Variants in USH2A observed in about 807,000 individuals in gnomAD.
The protein encoded by USH2A is usherin.
Under a neutral mutation model 538.9 loss-of-function variants are expected in USH2A, and 443 were observed. The ratio of observed to expected loss-of-function variants is 0.82; its 90% CI spans 0.76 to 0.89. USH2A has a LOEUF of 0.89. USH2A is among the 40% of genes least tolerant of loss of function. USH2A has a pLI of 0.00. For synonymous variants in USH2A, 2,413 were observed against 2,273.5 expected, an observed-to-expected ratio of 1.06 and a Z score of -1.75; for missense variants, 6,633 against 6,324.8, an observed-to-expected ratio of 1.05 and a Z score of -1.65.
intron 61 of USH2A, among the ~76,000 whole-genome samples, chr1:215,714,932 G>C (rs1158288360): frequency 6.6e-6 from 1 of 152,174 alleles, no homozygotes; most frequent in Non-Finnish European, 1.5e-5. Context: ...ATTATCTTAA[G>C]TAAGCTTCCT....
At chr1:216,070,049 G>A in intron 30 of USH2A, 52 bp downstream of exon 30, 2 of 1,586,674 alleles carry the variant, frequency 1.3e-6, no homozygotes, top group Middle Eastern at 1.7e-4. Context: ...TATTTAAAAT[G>A]CAAACAAAAA....
intron 43 of USH2A, among the ~76,000 whole-genome samples, chr1:215,873,650 T>C (rs1302839961): frequency 6.6e-6 from 1 of 152,168 alleles, no homozygotes; most frequent in Non-Finnish European, 1.5e-5. Flanking sequence ...GAATTTATGA[T>C]ATATTTAGCT....
At chr1:216,395,732 T>C (rs1265207779) in intron 3 of USH2A, among the ~76,000 whole-genome samples, 1 of 152,110 alleles carries the variant, frequency 6.6e-6, no homozygotes, top group East Asian at 1.9e-4. Flanking sequence ...AGGACGGAAG[T>C]AGGCAGAGAG....
At chr1:216,060,014 C>G (rs1224477252) in intron 30 of USH2A, among the ~76,000 whole-genome samples, 1 of 152,128 alleles carries the variant, frequency 6.6e-6, no homozygotes, top group Non-Finnish European at 1.5e-5. Flanking sequence ...GACACTGCCT[C>G]TCTTTCTTCA....
chr1:215,741,617 T>C (rs1047667494), intron 59 of USH2A, 80 bp from the exon 60 acceptor site: 3 of 1,501,052 alleles, frequency 2.0e-6, no homozygotes, highest in Admixed American at 3.9e-5. Context: ...AGGGTAATGA[T>C]ATCATGAAAA....
Position 216,422,051 on chromosome 1 carries a change from T to C in USH2A, c.286A>G (p.Thr96Ala), listed in dbSNP as rs557642490. 160 of 1,613,652 alleles carry C rather than the reference T, an allele frequency of 9.9e-5. No homozygotes were observed. The highest frequency in any genetic ancestry group is 1.3e-4 in the Non-Finnish European group (152 of 1,179,894). ...CCTGCTGAGAAAAGGGCAGTGTAGGTAGGGTGTGAAGATCTGTATGGGCAA... is the reference window on the plus strand; with the variant it reads ...CCTGCTGAGAAAAGGGCAGTGTAGGCAGGGTGTGAAGATCTGTATGGGCAA... ...QDCPYRSSHP[T>A]YTALFSAGLS... Residue 96 changes from threonine to alanine, a missense_variant, in exon 2 of 72, where the codon ACC becomes GCC. Coordinates refer to ENST00000307340, the MANE Select transcript of USH2A (RefSeq NM_206933.4).
chr1:216,226,579 T>C (rs2035566381), intron 14 of USH2A, among the ~76,000 whole-genome samples: 1 of 152,198 alleles, frequency 6.6e-6, no homozygotes, highest in African/African-American at 2.4e-5. Flanking sequence ...TAAAACTGAC[T>C]TATCACTGAC....
intron 32 of USH2A, among the ~76,000 whole-genome samples, chr1:216,038,500 C>T (rs187049808): frequency 1.3e-5 from 2 of 152,012 alleles, no homozygotes; most frequent in Admixed American, 1.3e-4. Flanking sequence ...CCCCCCTCCA[C>T]TTTCTTATTC....
chr1:215,739,463 C>T (rs548608836), intron 60 of USH2A, among the ~76,000 whole-genome samples: 5 of 152,274 alleles, frequency 3.3e-5, no homozygotes, highest in Non-Finnish European at 4.4e-5. Flanking sequence ...AGTGAAGCCA[C>T]GTCCTGGTCT....
intron 21 of USH2A, among the ~76,000 whole-genome samples, chr1:216,161,829 A>G (rs1395759359): frequency 6.6e-6 from 1 of 152,096 alleles, no homozygotes; most frequent in Non-Finnish European, 1.5e-5. Flanking sequence ...TGTTAAAAAA[A>G]TAATTTTAGC....
Position 215,948,798 on chromosome 1 carries a change from A to G in USH2A, c.7121-14003T>C, listed in dbSNP as rs184977149. 2.4e-4 allele frequency among the ~76,000 whole-genome samples: 37 copies of G among 152,198 alleles called. 1 individual carries two copies. Among genetic ancestry groups the G allele is most frequent in the African/African-American group, 8.9e-4 (37 of 41,528 alleles). ...CTCAATGGATAGGAATATTTGAAAC[A>G]TCTTATATTTACTTCATAAGCTTAT... On this transcript the variant is annotated intron_variant, in intron 37 of 71. Coordinates refer to ENST00000307340, the MANE Select transcript of USH2A (RefSeq NM_206933.4).
intron 21 of USH2A, among the ~76,000 whole-genome samples, chr1:216,151,690 G>A (rs989707399): frequency 7.9e-5 from 12 of 152,116 alleles, no homozygotes; most frequent in African/African-American, 2.9e-4. Flanking sequence ...ACTCAATGCT[G>A]AAAAAGGAGG....
chr1:215,980,154 T>C (rs1667716639), intron 35 of USH2A, among the ~76,000 whole-genome samples: 2 of 152,148 alleles, frequency 1.3e-5, no homozygotes, highest in Admixed American at 6.6e-5. Context: ...CACTTTAAAG[T>C]CCAAAGAAGT....
At chr1:215,672,830 A>G (rs1391151786) in intron 63 of USH2A, among the ~76,000 whole-genome samples, 1 of 152,234 alleles carries the variant, frequency 6.6e-6, no homozygotes, top group African/African-American at 2.4e-5. Flanking sequence ...TAATGAAGAG[A>G]TTTCTCTCAC....
chr1:216,283,468 A>G (rs780000587), intron 11 of USH2A, among the ~76,000 whole-genome samples: 24 of 152,188 alleles, frequency 1.6e-4, no homozygotes, highest in Non-Finnish European at 1.9e-4. Flanking sequence ...TGCAAATACA[A>G]ATAACTTCTC....
intron 22 of USH2A, among the ~76,000 whole-genome samples, chr1:216,090,819 GCTTA>G (rs1185711221): frequency 6.6e-6 from 1 of 152,068 alleles, no homozygotes; most frequent in Admixed American, 6.6e-5. Context: ...TAAGAAACTG[GCTTA>G]CTTCTTAGCA....
chr1:215,968,488 T>G (rs1031810479), intron 36 of USH2A, among the ~76,000 whole-genome samples: 1 of 152,134 alleles, frequency 6.6e-6, no homozygotes, highest in Admixed American at 6.6e-5. Context: ...GGTAAGAATA[T>G]GGAACTTCTG....
At chr1:216,010,652 G>A (rs556038234) in intron 32 of USH2A, among the ~76,000 whole-genome samples, 78 of 151,652 alleles carry the variant, frequency 5.1e-4, no homozygotes, top group Middle Eastern at 6.8e-3. Flanking sequence ...AGGTATTGAC[G>A]GCCAGGCTTC....
chr1:215,868,631 A>G lies in USH2A; in HGVS notation c.8682-1461T>C, dbSNP rs1664544542. ...TGTGAACACGACCTTATTGGAAGATAGGGTTTTTGCAGATGTAATCAAGTT... is the reference window on the plus strand; with the variant it reads ...TGTGAACACGACCTTATTGGAAGATGGGGTTTTTGCAGATGTAATCAAGTT... On this transcript the variant is annotated intron_variant, in intron 43 of 71. Transcript: ENST00000307340. Among the ~76,000 whole-genome samples the G allele has an allele frequency of 2.0e-5, 3 of 152,330 alleles. No homozygotes were observed. In the South Asian group the frequency reaches 6.2e-4, roughly 32 times the overall value.
Sources: allele counts gnomAD v4.1 joint callset (sites outside exome capture counted in the v4.1 genomes callset), GRCh38; gene constraint gnomAD v4.1.1; transcripts MANE v1.5; gene names NCBI Gene and HGNC (gene_info 2026-07-23, HGNC 2026-07-21).